IL16: variants seen among roughly 807,000 people sequenced by gnomAD.
IL16 encodes pro-interleukin-16.
Under a neutral mutation model 110.1 loss-of-function variants are expected in IL16, and 67 were observed. The ratio of observed to expected loss-of-function variants is 0.61; its 90% CI spans 0.50 to 0.75. IL16 has a LOEUF of 0.75. Ranked by LOEUF, IL16 falls within the 30% of genes least tolerant of loss-of-function variation. The pLI is 0.00. For missense variants in IL16, 1,545 were observed against 1,655.0 expected, an observed-to-expected ratio of 0.93 and a Z score of 1.15; for synonymous variants, 689 against 662.9, an observed-to-expected ratio of 1.04 and a Z score of -0.61.
chr15:81,303,614 G>A lies in IL16; in HGVS notation c.3384G>A (p.Leu1128=), dbSNP rs756042704. The change falls in exon 16 of 19, where the codon TTG becomes TTA. Residue 1128 remains leucine (L), a synonymous_variant. Coordinates refer to ENST00000683961, the MANE Select transcript of IL16 (RefSeq NM_172217.5). This position sits in a 1 kb window ranked among gnomAD's most constrained non-coding sequence, Gnocchi z 4.1. The part of the protein sequence containing the change: ...KEEGAGLGFS[L]AGGADLENKV... ...AAGGTGCTGGTCTTGGGTTCAGCTT[G>A]GCAGGAGGAGCAGATCTAGAAAACA... is the stretch of plus-strand genomic sequence containing the variant. 3.1e-6 allele frequency: 5 copies of A among 1,613,862 alleles called. No homozygotes were observed. The African/African-American group carries it at 6.7e-5, about 22-fold the overall frequency.
intron 2 of IL16, among the ~76,000 whole-genome samples, chr15:81,231,043 A>G (rs1181374934): frequency 6.6e-6 from 1 of 152,034 alleles, no homozygotes; most frequent in Non-Finnish European, 1.5e-5. Context: ...AGATTCACAA[A>G]TAAATCATTT....
chr15:81,292,060 G>A (rs559539534), intron 11 of IL16: 2 of 438,344 alleles, frequency 4.6e-6, no homozygotes, highest in East Asian at 7.1e-5. Context: ...GAGCTGAGGT[G>A]CACACCCAAC....
intron 1 of IL16, among the ~76,000 whole-genome samples, chr15:81,183,909 T>C (rs1164223312): frequency 3.9e-5 from 6 of 152,192 alleles, no homozygotes; most frequent in African/African-American, 1.4e-4. Context: ...AAACAATAAC[T>C]AAGATAAAGT....
chr15:81,229,024 GA>G (rs1168519544), intron 2 of IL16, among the ~76,000 whole-genome samples: 1 of 152,182 alleles, frequency 6.6e-6, no homozygotes, highest in Non-Finnish European at 1.5e-5. Context: ...GTAATTGCTT[GA>G]TAAATATGAT....
intron 2 of IL16, among the ~76,000 whole-genome samples, chr15:81,258,013 T>TAC (rs1039891475): frequency 2.6e-5 from 4 of 152,040 alleles, no homozygotes; most frequent in African/African-American, 9.7e-5. Flanking sequence ...CACACAGATG[T>TAC]ACACACACAC....
chr15:81,274,677 G>A (rs948990606), intron 6 of IL16, among the ~76,000 whole-genome samples: 6 of 152,236 alleles, frequency 3.9e-5, no homozygotes, highest in Non-Finnish European at 8.8e-5. Context: ...TGAACAAATT[G>A]AAAGAAAGGG....
chr15:81,229,150 T>G (rs1230399932), intron 2 of IL16, among the ~76,000 whole-genome samples: 1 of 152,150 alleles, frequency 6.6e-6, no homozygotes, highest in African/African-American at 2.4e-5. Flanking sequence ...GTGTAAGAGT[T>G]ATAGTTGACA....
intron 6 of IL16, among the ~76,000 whole-genome samples, chr15:81,276,262 C>T (rs1898903057): frequency 6.6e-6 from 1 of 152,170 alleles, no homozygotes; most frequent in Non-Finnish European, 1.5e-5. Context: ...CCCCTGTTTC[C>T]AATACGTAGA....
At position 81,297,038 on chromosome 15, in the gene IL16, C is replaced by T; in HGVS notation, c.2013C>T (p.Ser671=). Reference sequence around the variant, plus strand: ...CTGGTATCGGCCCACAGACCAAGTCCTCCACAGAGGGCGAGCCAGGGTGGA... The same window carrying T: ...CTGGTATCGGCCCACAGACCAAGTCTTCCACAGAGGGCGAGCCAGGGTGGA... ...PGPGIGPQTK[S]STEGEPGWRR... is the part of the protein sequence containing the mutation. The change falls in exon 13 of 19, where the codon TCC becomes TCT. Residue 671 remains serine (S), a synonymous_variant. Transcript: ENST00000683961. 6.2e-7 allele frequency: 1 copy of T among 1,613,950 alleles called. No individual in the cohort carries two copies. The highest frequency in any genetic ancestry group is 1.1e-5 in the South Asian group (1 of 91,076).
intron 1 of IL16, among the ~76,000 whole-genome samples, 159 bp downstream of exon 1, chr15:81,197,311 A>G (rs1240416313): frequency 6.6e-6 from 1 of 152,140 alleles, no homozygotes; most frequent in Non-Finnish European, 1.5e-5. Context: ...AGAAGCCAGG[A>G]TTGTGTTGGT....
chr15:81,200,567 T>C (rs1161795856), intron 1 of IL16, among the ~76,000 whole-genome samples: 2 of 152,030 alleles, frequency 1.3e-5, no homozygotes, highest in Non-Finnish European at 2.9e-5. Flanking sequence ...GATGGGGTTT[T>C]GCCATGTTGG....
chr15:81,185,707 C>T (rs991248940), intron 1 of IL16, among the ~76,000 whole-genome samples: 3 of 152,082 alleles, frequency 2.0e-5, no homozygotes, highest in South Asian at 2.1e-4. Flanking sequence ...ATAAATATAA[C>T]GGCAAAGAGG....
chr15:81,206,103 T>G (rs978345042), intron 1 of IL16, among the ~76,000 whole-genome samples: 3 of 152,230 alleles, frequency 2.0e-5, no homozygotes, highest in African/African-American at 7.2e-5. Flanking sequence ...AAAATGTACA[T>G]AAAGAGCTTG....
chr15:81,235,124 T>G lies in IL16; in HGVS notation c.312+9413T>G, dbSNP rs1261064561. Among the ~76,000 whole-genome samples, 3 of 152,222 alleles carry G rather than the reference T, an allele frequency of 2.0e-5. No individual in the cohort carries two copies. The East Asian group carries it at 5.8e-4, about 29-fold the overall frequency. ...CCCTGGTACCTCTCCAGCCTTGAAC[T>G]GTGCATACCAGTGGTGTGATTCTCC... On this transcript the variant is annotated intron_variant, in intron 2 of 18. Transcript: ENST00000683961.
intron 2 of IL16, among the ~76,000 whole-genome samples, chr15:81,253,355 G>A (rs115428217): frequency 0.012 from 1,814 of 152,132 alleles, 37 homozygotes; most frequent in African/African-American, 0.042. Flanking sequence ...AGCATCCTTT[G>A]TATACTCTAG....
At chr15:81,194,927 C>G (rs1895557742), upstream of IL16, among the ~76,000 whole-genome samples, 1 of 152,176 alleles carries the variant, frequency 6.6e-6, no homozygotes, top group African/African-American at 2.4e-5. Context: ...CTTCCTAGTT[C>G]TAACCAGGGC....
In IL16 at chr15:81,310,397, T is replaced by C. The variant is rs913093794; in HGVS notation, c.*1599T>C. 6.6e-6 allele frequency: 1 copy of C among 152,202 alleles called. No individual in the cohort carries two copies. The highest frequency in any genetic ancestry group is 2.4e-5 in the African/African-American group (1 of 41,432). 9.4% of individuals were successfully genotyped at this position (152,202 alleles called of 1,614,324 possible). ...GGCGTTCAGCTCACTGTTCTATTCATCTCAAGGAATAATGGGCTTAGAGCA... is the reference window on the plus strand; with the variant it reads ...GGCGTTCAGCTCACTGTTCTATTCACCTCAAGGAATAATGGGCTTAGAGCA... On this transcript the variant is annotated 3_prime_UTR_variant, in exon 19 of 19. Coordinates refer to ENST00000683961, the MANE Select transcript of IL16 (RefSeq NM_172217.5).
chr15:81,259,271 T>C (rs1898066396), intron 2 of IL16, among the ~76,000 whole-genome samples: 1 of 152,224 alleles, frequency 6.6e-6, no homozygotes, highest in East Asian at 1.9e-4. Context: ...GCCAGAACAA[T>C]GTAACTTGCT....
intron 4 of IL16, among the ~76,000 whole-genome samples, chr15:81,266,187 G>A (rs1898375311): frequency 6.6e-6 from 1 of 152,186 alleles, no homozygotes; most frequent in South Asian, 2.1e-4. Context: ...AAGGATTTAT[G>A]CACATTCACA....
Sources: gnomAD v4.1 joint callset for allele counts (sites outside exome capture counted in the v4.1 genomes callset) on GRCh38, gnomAD v4.1.1 for gene constraint, Gnocchi (gnomAD v3.1) non-coding constraint, MANE v1.5 for transcripts, NCBI Gene and HGNC (gene_info 2026-07-23, HGNC 2026-07-21) for gene names.